The following SLC4A10 variants were observed in gnomAD, a reference collection of about 807,000 sequenced individuals.
SLC4A10 encodes sodium-driven chloride bicarbonate exchanger.
SLC4A10 carries 42 observed loss-of-function variants against 137.7 expected under a neutral mutation model. That is an observed-to-expected ratio of 0.30 (90% CI 0.24 to 0.39). SLC4A10 has a LOEUF of 0.39. SLC4A10 is among the 10% of genes least tolerant of loss of function. The probability of loss-of-function intolerance (pLI) is 1.00; values close to 1 mark genes in which losing one functional copy is unlikely to be tolerated. For synonymous variants in SLC4A10, 474 were observed against 464.1 expected, an observed-to-expected ratio of 1.02 and a Z score of -0.27; for missense variants, 925 against 1,355.0, an observed-to-expected ratio of 0.68 and a Z score of 4.98.
Position 161,879,213 on chromosome 2 carries a change from G to A in SLC4A10, c.1031G>A (p.Arg344Gln), listed in dbSNP as rs763437005. 1.9e-5 allele frequency: 30 copies of A among 1,613,254 alleles called. 1 individual carries two copies. In the Middle Eastern group the frequency reaches 6.6e-4, roughly 35 times the overall value. ...GTGGGAGAACTGGAGTTCTTGGATC[G>A]AACAGTAGTTGCGTTTGTCAGGTTG... Reference protein sequence around the residue: ...ILVGELEFLDRTVVAFVRLSP... With the variant: ...ILVGELEFLDQTVVAFVRLSP... The change falls in exon 9 of 27, where the codon CGA (arginine) becomes CAA (glutamine). Residue 344 changes from arginine to glutamine, a missense_variant. Transcript: ENST00000446997.
chr2:161,899,891 T>C (rs1454288276), intron 11 of SLC4A10, among the ~76,000 whole-genome samples: 1 of 152,148 alleles, frequency 6.6e-6, no homozygotes, highest in Non-Finnish European at 1.5e-5. Context: ...TATTAAGCAA[T>C]AAACTTTCTT....
chr2:161,984,145 T>C lies in SLC4A10; in HGVS notation c.*993T>C, dbSNP rs1700559762. On this transcript the variant is annotated 3_prime_UTR_variant, in exon 27 of 27. Transcript: ENST00000446997. ...ACTGCTTAATGCTGGTCCTGAATCA[T>C]GTTCTCATGTTAGACCAACAGCTCT... 1.3e-5 allele frequency: 2 copies of C among 152,306 alleles called. No homozygotes were observed. The highest frequency in any genetic ancestry group is 1.3e-4 in the Admixed American group (2 of 15,294). 9.4% of individuals were successfully genotyped at this position (152,306 alleles called of 1,614,324 possible).
In SLC4A10 at chr2:161,839,751, A is replaced by C. The variant is rs184668041; in HGVS notation, c.278-38A>C. Reference sequence around the variant, plus strand: ...ACATTTTAAGCTCAGGGTCGTGGTAATACATGTTCATGGTAATACATGTCT... The same window carrying C: ...ACATTTTAAGCTCAGGGTCGTGGTACTACATGTTCATGGTAATACATGTCT... On this transcript the variant is annotated intron_variant, in intron 3 of 26. Transcript: ENST00000446997. 2.6e-5 allele frequency: 42 copies of C among 1,609,742 alleles called. No individual in the cohort carries two copies. In the African/African-American group the frequency reaches 5.1e-4, roughly 19 times the overall value.
chr2:161,641,365 A>G (rs2035300110), intron 1 of SLC4A10, among the ~76,000 whole-genome samples: 1 of 151,898 alleles, frequency 6.6e-6, no homozygotes, highest in Non-Finnish European at 1.5e-5. Context: ...ATATATGACA[A>G]ATTTGACAAA....
intron 10 of SLC4A10, among the ~76,000 whole-genome samples, chr2:161,884,481 T>C (rs2062064869): frequency 6.6e-6 from 1 of 152,208 alleles, no homozygotes; most frequent in Non-Finnish European, 1.5e-5. Context: ...CCATGTTCTA[T>C]AAATTTCAGA....
chr2:161,853,803 C>CTTTTCA (rs1330072704), intron 4 of SLC4A10, among the ~76,000 whole-genome samples: 1 of 152,060 alleles, frequency 6.6e-6, no homozygotes, highest in Non-Finnish European at 1.5e-5. Flanking sequence ...TATTGGCTTC[C>CTTTTCA]TTTTCACTTT....
intron 15 of SLC4A10, among the ~76,000 whole-genome samples, chr2:161,918,854 A>G (rs1293617871): frequency 6.6e-6 from 1 of 152,122 alleles, no homozygotes; most frequent in African/African-American, 2.4e-5. Flanking sequence ...AGCAGGCAGG[A>G]CCCAGGAAAA....
chr2:161,860,241 T>C (rs1470643923), intron 5 of SLC4A10, among the ~76,000 whole-genome samples: 3 of 152,228 alleles, frequency 2.0e-5, no homozygotes, highest in Non-Finnish European at 2.9e-5. Flanking sequence ...GTGTGTTTTT[T>C]AATATTTACT....
chr2:161,898,667 A>G (rs960297309), intron 11 of SLC4A10, among the ~76,000 whole-genome samples: 2 of 152,152 alleles, frequency 1.3e-5, no homozygotes, highest in Admixed American at 6.6e-5. Flanking sequence ...AGAACTTTGC[A>G]TCAGTCATTA....
chr2:161,720,694 T>C (rs2125115948), intron 1 of SLC4A10, among the ~76,000 whole-genome samples: 1 of 152,310 alleles, frequency 6.6e-6, no homozygotes, highest in Non-Finnish European at 1.5e-5. Context: ...GAAACTAGGA[T>C]TTCAACTCCT....
At chr2:161,882,236 A>G (rs1369159301) in intron 9 of SLC4A10, 121 bp from the exon 10 acceptor site, 1 of 565,944 alleles carries the variant, frequency 1.8e-6, no homozygotes. Context: ...ATGAAAAACT[A>G]TGGAAGTATT....
intron 3 of SLC4A10, among the ~76,000 whole-genome samples, chr2:161,827,337 T>C (rs867711746): frequency 7.2e-5 from 11 of 152,206 alleles, no homozygotes; most frequent in African/African-American, 2.2e-4. Flanking sequence ...TATGACCTTC[T>C]TCATATGATG....
chr2:161,770,450 A>G lies in SLC4A10; in HGVS notation c.49-523A>G, dbSNP rs567834675. Among the ~76,000 whole-genome samples, 3 of 152,016 alleles carry G rather than the reference A, an allele frequency of 2.0e-5. No homozygotes were observed. The South Asian group carries it at 6.2e-4, about 31-fold the overall frequency. On this transcript the variant is annotated intron_variant, in intron 1 of 26. Transcript: ENST00000446997. ...CTCTTTAGTTTCAATAAAATGCATT[A>G]TACTGAAGCAAAGTAATTAGAGTTG...
chr2:161,730,045 A>G (rs2046663645), intron 1 of SLC4A10, among the ~76,000 whole-genome samples: 1 of 152,212 alleles, frequency 6.6e-6, no homozygotes, highest in Admixed American at 6.5e-5. Context: ...AAACGCCTCA[A>G]ATAAGAGGAA....
At chr2:161,874,032 TAC>T in intron 8 of SLC4A10, 27 bp downstream of exon 8, 1 of 1,562,468 alleles carries the variant, frequency 6.4e-7, no homozygotes, top group South Asian at 1.2e-5. Flanking sequence ...GCTCTATTTC[TAC>T]AGTGGTTCAA....
Position 161,878,966 on chromosome 2 carries a change from G to GAAAA in SLC4A10, c.949-162_949-159dup, listed in dbSNP as rs549137299. ...CAAGTTAAAATAATCCACAAGTAAA[G>GAAAA]AAAAAAGGTTATTATAGAAAAAGGG... On this transcript the variant is annotated intron_variant, in intron 8 of 26. Coordinates refer to ENST00000446997, the MANE Select transcript of SLC4A10 (RefSeq NM_001178015.2). Among the ~76,000 whole-genome samples, 458 of 152,100 alleles carry GAAAA rather than the reference G, an allele frequency of 3.0e-3. 1 individual carries two copies. The highest frequency in any genetic ancestry group is 0.011 in the African/African-American group (437 of 41,550).
chr2:161,831,356 C>T (rs888057220), intron 3 of SLC4A10, among the ~76,000 whole-genome samples: 15 of 152,068 alleles, frequency 9.9e-5, no homozygotes, highest in African/African-American at 3.6e-4. Flanking sequence ...ATAGCTGTTA[C>T]TGATTTACTC....
intron 1 of SLC4A10, among the ~76,000 whole-genome samples, chr2:161,729,820 C>T (rs906934227): frequency 6.6e-6 from 1 of 152,160 alleles, no homozygotes; most frequent in African/African-American, 2.4e-5. Flanking sequence ...TTCTCATCAC[C>T]TTTCACTAGG....
rs1237776404 is a variant in SLC4A10, at chr2:161,932,971, G to A, written c.1998-9821G>A. Among the ~76,000 whole-genome samples, 7 of 151,842 alleles carry A rather than the reference G, an allele frequency of 4.6e-5. No homozygotes were observed. In the East Asian group the frequency reaches 1.4e-3, roughly 29 times the overall value. ...TTCCCCATATAAGTGAGATCACAAG[G>A]TATTGGTCTTTCTGTGCCTGGCTTA... On this transcript the variant is annotated intron_variant, in intron 15 of 26. Transcript: ENST00000446997.
Sources: allele counts gnomAD v4.1 joint callset (sites outside exome capture counted in the v4.1 genomes callset), GRCh38; gene constraint gnomAD v4.1.1; transcripts MANE v1.5; gene names NCBI Gene and HGNC (gene_info 2026-07-23, HGNC 2026-07-21).